The following CYB5R4 variants were observed in gnomAD, a reference collection of about 807,000 sequenced individuals.
CYB5R4 encodes N-terminal cytochrome b5 and cytochrome b5 oxidoreductase domain-containing protein.
Under a neutral mutation model 70.2 loss-of-function variants are expected in CYB5R4, and 55 were observed. The observed-to-expected ratio is 0.78, with a 90% CI of 0.63 to 0.98. The LOEUF is 0.98. CYB5R4 is among the 50% of genes least tolerant of loss of function. The probability of loss-of-function intolerance (pLI) is 0.00; values close to 1 mark genes in which losing one functional copy is unlikely to be tolerated. For missense variants in CYB5R4, 562 were observed against 612.6 expected (o/e 0.92, Z 0.87); for synonymous variants, 197 against 199.5 (o/e 0.99, Z 0.11).
At chr6:83,890,962 G>A (rs988146811) in intron 2 of CYB5R4, among the ~76,000 whole-genome samples, 2 of 145,928 alleles carry the variant, frequency 1.4e-5, no homozygotes, top group African/African-American at 5.5e-5. Flanking sequence ...ATTTATTTTA[G>A]AGACAGGGCC....
intron 11 of CYB5R4, 68 bp from the exon 12 acceptor site, chr6:83,936,156 T>A: frequency 1.7e-6 from 2 of 1,146,948 alleles, no homozygotes; most frequent in Non-Finnish European, 2.4e-6. Flanking sequence ...AAAATTTGGA[T>A]GTTTCATTTT....
chr6:83,885,706 A>G (rs1254771936), intron 2 of CYB5R4, among the ~76,000 whole-genome samples: 2 of 152,048 alleles, frequency 1.3e-5, no homozygotes, highest in Non-Finnish European at 2.9e-5. Context: ...GCTATTTGTG[A>G]TGTGATTCAG....
intron 10 of CYB5R4, among the ~76,000 whole-genome samples, chr6:83,927,063 A>G (rs1335186150): frequency 6.6e-6 from 1 of 152,018 alleles, no homozygotes; most frequent in Non-Finnish European, 1.5e-5. Context: ...TTTGTCTCTG[A>G]TTTCCGTTCT....
intron 3 of CYB5R4, among the ~76,000 whole-genome samples, chr6:83,904,450 CAT>C: frequency 6.6e-6 from 1 of 152,178 alleles, no homozygotes; most frequent in East Asian, 1.9e-4. Flanking sequence ...TGTAGCCTAA[CAT>C]ATGTCTGTCA....
At chr6:83,904,639 CTAT>C (rs1386799708) in intron 3 of CYB5R4, among the ~76,000 whole-genome samples, 3 of 152,164 alleles carry the variant, frequency 2.0e-5, no homozygotes, top group Non-Finnish European at 4.4e-5. Context: ...AACTCCCCCA[CTAT>C]TATTGTATTG....
chr6:83,959,162 A>G (rs2099472909), intron 15 of CYB5R4, among the ~76,000 whole-genome samples: 1 of 152,210 alleles, frequency 6.6e-6, no homozygotes, highest in African/African-American at 2.4e-5. Flanking sequence ...AAAGAATGAT[A>G]GAAGTAGAAT....
chr6:83,938,302 G>C (rs368068945), intron 12 of CYB5R4, among the ~76,000 whole-genome samples: 1 of 152,144 alleles, frequency 6.6e-6, no homozygotes, highest in Non-Finnish European at 1.5e-5. Flanking sequence ...AACATAGCAG[G>C]GTGGAGAGTT....
rs542504206 is a variant in CYB5R4, at chr6:83,921,535, G to A, written c.658+360G>A. 4.6e-5 allele frequency among the ~76,000 whole-genome samples: 7 copies of A among 152,276 alleles called. No individual in the cohort carries two copies. The South Asian group carries it at 1.5e-3, about 32-fold the overall frequency. On this transcript the variant is annotated intron_variant, in intron 8 of 15. Transcript: ENST00000369681. ...GCTAGGTGGCCCATTCCACTGGTCT[G>A]TTCCTTGCCAGTTCTGCCATAGGAA...
chr6:83,892,677 T>C (rs1237078554), intron 2 of CYB5R4, among the ~76,000 whole-genome samples: 1 of 152,202 alleles, frequency 6.6e-6, no homozygotes, highest in Non-Finnish European at 1.5e-5. Context: ...TGAGAATAGT[T>C]GGGCTTCCTT....
chr6:83,943,803 A>G (rs1221423710), intron 14 of CYB5R4, among the ~76,000 whole-genome samples: 1 of 152,054 alleles, frequency 6.6e-6, no homozygotes, highest in African/African-American at 2.4e-5. Flanking sequence ...CGAGAACATC[A>G]TGAAGCATAC....
chr6:83,921,055 T>G (rs2099466299), intron 7 of CYB5R4, 27 bp from the exon 8 acceptor site: 1 of 1,432,364 alleles, frequency 7.0e-7, no homozygotes, highest in Non-Finnish European at 9.4e-7. Flanking sequence ...TACTTTCTAA[T>G]CTTTCTATTT....
chr6:83,920,348 T>A (rs1042471005), intron 7 of CYB5R4, among the ~76,000 whole-genome samples: 6 of 152,080 alleles, frequency 3.9e-5, no homozygotes, highest in Admixed American at 2.0e-4. Flanking sequence ...CAGCCTCTGC[T>A]TGGAAAGAGC....
intron 3 of CYB5R4, among the ~76,000 whole-genome samples, chr6:83,908,690 G>A (rs997102898): frequency 1.3e-5 from 2 of 151,932 alleles, no homozygotes; most frequent in Non-Finnish European, 1.5e-5. Context: ...TGCTTTTATA[G>A]CATCAGAGCA....
chr6:83,944,443 T>C (rs927355285), intron 14 of CYB5R4, among the ~76,000 whole-genome samples: 1 of 151,864 alleles, frequency 6.6e-6, no homozygotes, highest in Admixed American at 6.6e-5. Flanking sequence ...AAGTACTAAA[T>C]ATGAAAAAGA....
chr6:83,859,961 G>A, intron 1 of CYB5R4, 104 bp downstream of exon 1: 1 of 1,121,758 alleles, frequency 8.9e-7, no homozygotes, highest in Admixed American at 2.7e-5. Flanking sequence ...CCCTCTCTAA[G>A]CTGTCGTTCC....
intron 14 of CYB5R4, among the ~76,000 whole-genome samples, chr6:83,941,744 A>C (rs1051653676): frequency 6.6e-6 from 1 of 152,224 alleles, no homozygotes. Flanking sequence ...AAAAACATAG[A>C]CCTAAGAACA....
intron 2 of CYB5R4, among the ~76,000 whole-genome samples, chr6:83,873,903 T>C (rs2099458067): frequency 6.6e-6 from 1 of 152,052 alleles, no homozygotes; most frequent in Non-Finnish European, 1.5e-5. Context: ...AGGAGAGGAA[T>C]GGGAACATTA....
At chr6:83,947,218 A>G (rs948308104) in intron 14 of CYB5R4, among the ~76,000 whole-genome samples, 4 of 152,174 alleles carry the variant, frequency 2.6e-5, no homozygotes, top group Non-Finnish European at 5.9e-5. Flanking sequence ...TATATAGACT[A>G]GTGGAACAGA....
intron 2 of CYB5R4, among the ~76,000 whole-genome samples, chr6:83,881,926 T>G (rs1214653674): frequency 6.6e-6 from 1 of 152,218 alleles, no homozygotes; most frequent in Admixed American, 6.5e-5. Context: ...TTTCATTAAT[T>G]TATTTTCCAT....
Sources: gnomAD v4.1 joint callset for allele counts (sites outside exome capture counted in the v4.1 genomes callset) on GRCh38, gnomAD v4.1.1 for gene constraint, MANE v1.5 for transcripts, NCBI Gene and HGNC (gene_info 2026-07-23, HGNC 2026-07-21) for gene names.